Variants in GPC5 observed in about 807,000 individuals in gnomAD.
GPC5 encodes glypican-5.
In GPC5, 47 loss-of-function variants were observed where a neutral mutation model predicts 53.9. That is an observed-to-expected ratio of 0.87 (90% CI 0.69 to 1.11). The LOEUF (loss-of-function observed/expected upper bound fraction) is 1.11. Ranked by LOEUF, GPC5 falls within the 50% of genes most tolerant of loss-of-function variation. The pLI is 0.00. For missense variants in GPC5, 748 were observed against 713.1 expected (o/e 1.05, Z -0.56); for synonymous variants, 286 against 263.3 (o/e 1.09, Z -0.84).
At chr13:91,432,203 CTGTG>C (rs757953581) in intron 1 of GPC5, among the ~76,000 whole-genome samples, 2,449 of 136,106 alleles carry the variant, frequency 0.018, 50 homozygotes, top group Admixed American at 0.072. Context: ...GCTGCTGCTG[CTGTG>C]TGTGTGTGTG....
intron 6 of GPC5, among the ~76,000 whole-genome samples, chr13:91,941,151 A>G (rs529910505): frequency 1.1e-4 from 16 of 152,126 alleles, no homozygotes; most frequent in Admixed American, 4.6e-4. Context: ...CAAAGATCAG[A>G]TGGTTATAGG....
At chr13:92,199,940 A>T (rs959736564) in intron 7 of GPC5, among the ~76,000 whole-genome samples, 1 of 152,170 alleles carries the variant, frequency 6.6e-6, no homozygotes, top group Non-Finnish European at 1.5e-5. Flanking sequence ...TTTTAAAATA[A>T]AACTTTAGAG....
At chr13:92,788,630 T>C (rs901364216) in intron 7 of GPC5, among the ~76,000 whole-genome samples, 1 of 152,214 alleles carries the variant, frequency 6.6e-6, no homozygotes, top group Non-Finnish European at 1.5e-5. Context: ...TGTTAATTAC[T>C]TTTTCAATAA....
intron 7 of GPC5, among the ~76,000 whole-genome samples, chr13:92,865,715 C>A (rs939817034): frequency 2.6e-5 from 4 of 152,158 alleles, no homozygotes; most frequent in African/African-American, 9.7e-5. Context: ...TTGACTTTAT[C>A]ATTCCTCCTG....
At chr13:91,443,206 T>C (rs1202825021) in intron 1 of GPC5, among the ~76,000 whole-genome samples, 1 of 152,126 alleles carries the variant, frequency 6.6e-6, no homozygotes, top group Non-Finnish European at 1.5e-5. Context: ...CCCAATGTGA[T>C]TGTATTTAGA....
intron 6 of GPC5, among the ~76,000 whole-genome samples, chr13:92,119,199 C>G (rs916551580): frequency 1.3e-5 from 2 of 152,002 alleles, no homozygotes; most frequent in African/African-American, 4.8e-5. Flanking sequence ...CTTTATAAAA[C>G]CATCAGCTCT....
intron 7 of GPC5, among the ~76,000 whole-genome samples, chr13:92,563,385 A>T (rs8000850): frequency 0.063 from 9,547 of 152,072 alleles, 860 homozygotes; most frequent in African/African-American, 0.2. Context: ...ATAAAAAGAG[A>T]TCCAAAGGCC....
intron 2 of GPC5, among the ~76,000 whole-genome samples, chr13:91,508,047 A>T (rs537850440): frequency 2.0e-5 from 3 of 152,340 alleles, no homozygotes; most frequent in African/African-American, 7.2e-5. Context: ...GCAAAAATAT[A>T]TGATAAAGGA....
chr13:91,655,791 A>T (rs753277376), intron 2 of GPC5, among the ~76,000 whole-genome samples: 61 of 152,126 alleles, frequency 4.0e-4, no homozygotes, highest in Non-Finnish European at 7.4e-4. Flanking sequence ...TACATTTTTT[A>T]AAAATTATGG....
intron 7 of GPC5, among the ~76,000 whole-genome samples, chr13:92,743,812 C>G (rs1278368113): frequency 6.6e-6 from 1 of 152,102 alleles, no homozygotes; most frequent in Non-Finnish European, 1.5e-5. Flanking sequence ...TGAATTTTGT[C>G]AAAGGCCTTT....
At chr13:91,499,605 T>G (rs1884504053) in intron 2 of GPC5, among the ~76,000 whole-genome samples, 1 of 152,226 alleles carries the variant, frequency 6.6e-6, no homozygotes, top group Non-Finnish European at 1.5e-5. Context: ...CCTGCCTCAC[T>G]TCTGCTGAGC....
At chr13:91,908,842 T>C (rs189392998) in intron 6 of GPC5, among the ~76,000 whole-genome samples, 285 of 152,264 alleles carry the variant, frequency 1.9e-3, no homozygotes, top group African/African-American at 6.7e-3. Flanking sequence ...AGCAAAACTT[T>C]GTATGGGTAG....
At chr13:91,680,744 T>A (rs1004780945) in intron 2 of GPC5, among the ~76,000 whole-genome samples, 2 of 152,234 alleles carry the variant, frequency 1.3e-5, no homozygotes, top group African/African-American at 2.4e-5. Context: ...GAGGCTCGAT[T>A]TTCTTCATAT....
chr13:91,528,710 G>A (rs1400006870), intron 2 of GPC5, among the ~76,000 whole-genome samples: 1 of 152,114 alleles, frequency 6.6e-6, no homozygotes, highest in Non-Finnish European at 1.5e-5. Context: ...CCCCCTGAGA[G>A]TCAGTAACTT....
rs190563169 is a variant in GPC5, at chr13:92,286,045, A to G, written c.1561+141056A>G. On this transcript the variant is annotated intron_variant, in intron 7 of 7. Transcript: ENST00000377067. ...TACAAAGAACTCAAAGAAATTTACA[A>G]GAAAAAAGCAACCCCAACAAGTGGG... Among the ~76,000 whole-genome samples, 783 of 152,316 alleles carry G rather than the reference A, an allele frequency of 5.1e-3. 7 individuals are homozygous for G. Among genetic ancestry groups the G allele is most frequent in the African/African-American group, 0.018 (751 of 41,568 alleles).
intron 7 of GPC5, among the ~76,000 whole-genome samples, chr13:92,825,943 A>G (rs1009963772): frequency 3.3e-5 from 5 of 152,132 alleles, no homozygotes; most frequent in Non-Finnish European, 5.9e-5. Flanking sequence ...TTTGGAATAC[A>G]TTTTTCATTT....
chr13:92,789,927 G>A (rs1213598611), intron 7 of GPC5, among the ~76,000 whole-genome samples: 1 of 152,052 alleles, frequency 6.6e-6, no homozygotes, highest in African/African-American at 2.4e-5. Flanking sequence ...TTCAGTCTAT[G>A]GCCAAAAGCC....
chr13:92,297,787 C>T (rs1011856130), intron 7 of GPC5, among the ~76,000 whole-genome samples: 3 of 151,958 alleles, frequency 2.0e-5, no homozygotes, highest in Admixed American at 6.6e-5. Flanking sequence ...GCAACCCGCT[C>T]GGGTCCCCTT....
At chr13:91,420,890 A>G (rs758527562) in intron 1 of GPC5, among the ~76,000 whole-genome samples, 2 of 152,206 alleles carry the variant, frequency 1.3e-5, no homozygotes, top group Non-Finnish European at 2.9e-5. Flanking sequence ...ACTGTGAGTC[A>G]ATTAAACTTG....
Sources: gnomAD v4.1 joint callset for allele counts (sites outside exome capture counted in the v4.1 genomes callset) on GRCh38, gnomAD v4.1.1 for gene constraint, MANE v1.5 for transcripts, NCBI Gene and HGNC (gene_info 2026-07-23, HGNC 2026-07-21) for gene names.